EFCC1: variants seen among roughly 807,000 people sequenced by gnomAD.
The protein encoded by EFCC1 is EF-hand and coiled-coil domain-containing protein 1.
EFCC1 carries 50 observed loss-of-function variants against 52.1 expected under a neutral mutation model. That is an observed-to-expected ratio of 0.96 (90% CI 0.76 to 1.21). The LOEUF (loss-of-function observed/expected upper bound fraction) is 1.21. Ranked by LOEUF, EFCC1 falls within the 50% of genes most tolerant of loss-of-function variation. The pLI, the probability that EFCC1 is intolerant of heterozygous loss-of-function variation, is 0.00. For missense variants in EFCC1, 837 were observed against 867.3 expected (o/e 0.97, Z 0.44); for synonymous variants, 399 against 396.5 (o/e 1.01, Z -0.08).
In EFCC1 at chr3:129,001,695, C is replaced by G; in HGVS notation, c.67C>G (p.Pro23Ala). The change falls in exon 1 of 8, where the codon CCT (proline) becomes GCT (alanine). Residue 23 changes from proline to alanine, a missense_variant. Pro to Ala is a conservative substitution (Grantham distance 27). Coordinates refer to ENST00000683648, the MANE Select transcript of EFCC1 (RefSeq NM_001377500.1). The part of the protein sequence containing the change: ...EGAGGDPYRR[P>A]ARRTQWLLSA... ...CGCGGGAGGTGACCCGTACCGGCGA[C>G]CTGCGCGGCGCACGCAGTGGCTGCT... 1 of 1,494,392 alleles carries G rather than the reference C, an allele frequency of 6.7e-7. No individual in the cohort carries two copies. The highest frequency in any genetic ancestry group is 8.9e-7 in the Non-Finnish European group (1 of 1,124,438). The allele number at this position is 1,494,392 out of a possible 1,614,324, so 92.6% of individuals were successfully genotyped here. A position where few individuals can be genotyped will look rare whatever the true frequency, so the allele number is the denominator to read the frequency against.
intron 3 of EFCC1, among the ~76,000 whole-genome samples, chr3:129,031,063 TGTAGAGCCATCAGGAG>T (rs961694452): frequency 1.3e-5 from 2 of 152,070 alleles, no homozygotes; most frequent in Non-Finnish European, 2.9e-5. Context: ...ATCTGGGGTG[TGTAGAGCCATCAGGAG>T]GTCAGGATAC....
chr3:129,006,310 T>C (rs982213664), intron 2 of EFCC1, among the ~76,000 whole-genome samples: 2 of 152,204 alleles, frequency 1.3e-5, no homozygotes, highest in African/African-American at 4.8e-5. Flanking sequence ...ACTGGAGTTC[T>C]GTTTTTTGTT....
chr3:129,021,015 C>T (rs898621078), intron 2 of EFCC1, among the ~76,000 whole-genome samples: 8 of 152,168 alleles, frequency 5.3e-5, no homozygotes, highest in Admixed American at 5.2e-4. Flanking sequence ...TCCTTGGGAG[C>T]AGTATCTCCC....
At chr3:129,004,639 T>C (rs945506807) in intron 2 of EFCC1, among the ~76,000 whole-genome samples, 1 of 151,926 alleles carries the variant, frequency 6.6e-6, no homozygotes. Context: ...TCTTATTTGT[T>C]CCTGGATTCG....
chr3:129,015,400 T>C (rs34469426), intron 2 of EFCC1, among the ~76,000 whole-genome samples: 6,668 of 152,106 alleles, frequency 0.044, 193 homozygotes, highest in Non-Finnish European at 0.07. Context: ...TGTGATGACT[T>C]CATTGAGGTC....
chr3:129,005,995 C>G (rs893689099), intron 2 of EFCC1, among the ~76,000 whole-genome samples: 2 of 152,248 alleles, frequency 1.3e-5, no homozygotes, highest in African/African-American at 4.8e-5. Flanking sequence ...CAAACATTGG[C>G]ATAGCCCTTT....
intron 1 of EFCC1, chr3:129,002,525 AC>A (rs1944840985): frequency 8.4e-6 from 9 of 1,077,376 alleles, no homozygotes; most frequent in Non-Finnish European, 1.1e-5. Context: ...CCCTATTCTT[AC>A]CACCTATTCC....
chr3:129,010,285 C>T lies in EFCC1; in HGVS notation c.980+6208C>T, dbSNP rs1368281103. Among the ~76,000 whole-genome samples, 3 of 152,208 alleles carry T rather than the reference C, an allele frequency of 2.0e-5. No individual in the cohort carries two copies. The highest frequency in any genetic ancestry group is 2.0e-4 in the Admixed American group (3 of 15,282). On this transcript the variant is annotated intron_variant, in intron 2 of 7. Coordinates refer to ENST00000683648, the MANE Select transcript of EFCC1 (RefSeq NM_001377500.1). This position sits in a 1 kb window ranked among gnomAD's most constrained non-coding sequence, Gnocchi z 4.3. ...CCAGTTGCCTGGCCTGGCCCCCTAC[C>T]CTGCTCTGAAGCCAAGGAGCAGCTG... is the stretch of plus-strand genomic sequence containing the variant.
chr3:129,015,610 G>C (rs2107895237), intron 2 of EFCC1, among the ~76,000 whole-genome samples: 1 of 152,142 alleles, frequency 6.6e-6, no homozygotes, highest in South Asian at 2.1e-4. Flanking sequence ...GAGTGTCCGT[G>C]TCTGCTCGCA....
Position 129,004,051 on chromosome 3 carries a change from G to C in EFCC1, c.954G>C (p.Arg318=), listed in dbSNP as rs764730894. Residue 318 remains arginine, a synonymous_variant, in exon 2 of 8, where the codon CGG becomes CGC. Transcript: ENST00000683648. ...QVPGLQRWVR[R]LEAELQRYRS... is the part of the protein sequence containing the mutation. ...CCGGCTTGCAGCGCTGGGTGCGGCG[G>C]CTGGAGGCGGAGCTGCAACGCTACA... The C allele has an allele frequency of 4.0e-6, 6 of 1,511,208 alleles. No homozygotes were observed. The South Asian group carries it at 7.2e-5, about 18-fold the overall frequency. The allele number at this position is 1,511,208 out of a possible 1,614,324, so 93.6% of individuals were successfully genotyped here. A position where few individuals can be genotyped will look rare whatever the true frequency, so the allele number is the denominator to read the frequency against.
intron 2 of EFCC1, 79 bp from the exon 3 acceptor site, chr3:129,030,624 C>T (rs929499800): frequency 6.9e-7 from 1 of 1,453,598 alleles, no homozygotes; most frequent in Non-Finnish European, 9.2e-7. Flanking sequence ...TGTTCATAGA[C>T]AGCTTGCCCA....
chr3:129,034,015 G>A, intron 4 of EFCC1, 149 bp from the exon 5 acceptor site: 1 of 871,816 alleles, frequency 1.1e-6, no homozygotes, highest in South Asian at 1.7e-5. Flanking sequence ...AGTGAGATGG[G>A]GGCCATGGGA....
chr3:129,018,308 G>C lies in EFCC1; in HGVS notation c.981-12395G>C, dbSNP rs140999755. Among the ~76,000 whole-genome samples the C allele has an allele frequency of 8.6e-4, 131 of 152,230 alleles. 2 individuals are homozygous for C. In the East Asian group the frequency reaches 0.016, roughly 19 times the overall value. The stretch of plus-strand genomic sequence containing the variant: ...AAACTACAGCCTGTGGGCCAGTCCA[G>C]CTCCACCCTTATTTTTATACAATCC... On this transcript the variant is annotated intron_variant, in intron 2 of 7. Transcript: ENST00000683648.
chr3:129,013,389 A>C (rs895350558), intron 2 of EFCC1, among the ~76,000 whole-genome samples: 4 of 152,212 alleles, frequency 2.6e-5, no homozygotes, highest in African/African-American at 7.2e-5. Context: ...TTATTTATCA[A>C]CTAAAAATCT....
Position 129,040,025 on chromosome 3 carries a change from G to A in EFCC1, c.*177G>A. ...CCAGAGCCTCCCATTGCAGCACCTG[G>A]CAGCCACCCCTTCCTCGGGCTCCTC... On this transcript the variant is annotated 3_prime_UTR_variant, in exon 8 of 8. Coordinates refer to ENST00000683648, the MANE Select transcript of EFCC1 (RefSeq NM_001377500.1). The surrounding 1 kb of genome is among the most constrained non-coding windows in gnomAD (Gnocchi z 4.4). 1.3e-6 allele frequency: 1 copy of A among 747,018 alleles called. No individual in the cohort carries two copies. Among genetic ancestry groups the A allele is most frequent in the Non-Finnish European group, 2.0e-6 (1 of 507,780 alleles). 46.3% of individuals were successfully genotyped at this position (747,018 alleles called of 1,614,324 possible).
At chr3:129,020,179 TA>T (rs1366112280) in intron 2 of EFCC1, among the ~76,000 whole-genome samples, 1 of 152,118 alleles carries the variant, frequency 6.6e-6, no homozygotes, top group Non-Finnish European at 1.5e-5. Context: ...TTTGAGGTTT[TA>T]GGGGGTAAAA....
chr3:129,028,472 T>G (rs1291073770), intron 2 of EFCC1, among the ~76,000 whole-genome samples: 1 of 152,204 alleles, frequency 6.6e-6, no homozygotes, highest in African/African-American at 2.4e-5. Context: ...CTTAGGACTT[T>G]TATTCCTTTT....
At chr3:129,033,195 G>C (rs1177593347) in intron 4 of EFCC1, among the ~76,000 whole-genome samples, 5 of 152,160 alleles carry the variant, frequency 3.3e-5, no homozygotes, top group Non-Finnish European at 7.3e-5. Flanking sequence ...ATTCCCATTC[G>C]TGCTTTCTCA....
rs1255989519 is a variant in EFCC1, at chr3:129,030,726, C to T, written c.1004C>T (p.Thr335Ile). Residue 335 changes from threonine to isoleucine, a missense_variant, in exon 3 of 8, where the codon ACC becomes ATC. Thr to Ile is a moderately conservative substitution (Grantham distance 89). Coordinates refer to ENST00000683648, the MANE Select transcript of EFCC1 (RefSeq NM_001377500.1). ...RYRSEDSQLP[T>I]PQLANPEPGD... is the part of the protein sequence containing the mutation. ...AGGTCAGAGGATTCCCAGCTCCCAACCCCGCAGCTAGCCAACCCAGAGCCA... is the reference window on the plus strand; with the variant it reads ...AGGTCAGAGGATTCCCAGCTCCCAATCCCGCAGCTAGCCAACCCAGAGCCA... 3.9e-6 allele frequency: 6 copies of T among 1,551,590 alleles called. No individual in the cohort carries two copies. Among genetic ancestry groups the T allele is most frequent in the East Asian group, 2.4e-5 (1 of 40,924 alleles).
Sources: allele counts gnomAD v4.1 joint callset (sites outside exome capture counted in the v4.1 genomes callset), GRCh38; gene constraint gnomAD v4.1.1; non-coding constraint Gnocchi (gnomAD v3.1); transcripts MANE v1.5; gene names NCBI Gene and HGNC (gene_info 2026-07-23, HGNC 2026-07-21).